BBS9: variants seen among roughly 807,000 people sequenced by gnomAD.
The protein encoded by BBS9 is Bardet-Biedl syndrome 9, also known as protein PTHB1.
BBS9 carries 89 observed loss-of-function variants against 117.7 expected under a neutral mutation model. The observed-to-expected ratio is 0.76, with a 90% CI of 0.64 to 0.90. BBS9 has a LOEUF of 0.90. BBS9 is among the 40% of genes least tolerant of loss of function. The pLI is 0.00. For synonymous variants in BBS9, 379 were observed against 370.9 expected (o/e 1.02, Z -0.25); for missense variants, 982 against 1,042.2 (o/e 0.94, Z 0.80).
chr7:33,208,951 C>T (rs184235638), intron 5 of BBS9, among the ~76,000 whole-genome samples: 5 of 152,138 alleles, frequency 3.3e-5, no homozygotes, highest in East Asian at 1.9e-4. Flanking sequence ...GTATTACAAA[C>T]GATCCAATTA....
At chr7:33,390,460 A>G in intron 19 of BBS9, 1 of 980,600 alleles carries the variant, frequency 1.0e-6, no homozygotes, top group Non-Finnish European at 1.2e-6. Flanking sequence ...GTTAAGTCCC[A>G]TTCCTTTTAG....
At chr7:33,530,895 C>A (rs1051437530) in intron 20 of BBS9, among the ~76,000 whole-genome samples, 1 of 152,104 alleles carries the variant, frequency 6.6e-6, no homozygotes, top group Non-Finnish European at 1.5e-5. Context: ...CCCATTATGG[C>A]AATCAGTGGG....
chr7:33,266,275 G>A (rs1798805852), intron 7 of BBS9, among the ~76,000 whole-genome samples: 1 of 152,194 alleles, frequency 6.6e-6, no homozygotes, highest in Admixed American at 6.5e-5. Flanking sequence ...TTGCAGGAAT[G>A]TGATACCATG....
At chr7:33,341,455 C>T (rs1045567725) in intron 11 of BBS9, among the ~76,000 whole-genome samples, 2 of 151,742 alleles carry the variant, frequency 1.3e-5, no homozygotes, top group Admixed American at 6.6e-5. Flanking sequence ...ATAGTTGGTC[C>T]AATACTTAAT....
intron 21 of BBS9, among the ~76,000 whole-genome samples, chr7:33,621,899 C>T (rs1865422120): frequency 6.6e-6 from 1 of 152,088 alleles, no homozygotes; most frequent in African/African-American, 2.4e-5. Flanking sequence ...GTGAACTTAG[C>T]CAGGCATGGA....
At chr7:33,362,863 A>G (rs1221256657) in intron 16 of BBS9, among the ~76,000 whole-genome samples, 1 of 152,156 alleles carries the variant, frequency 6.6e-6, no homozygotes, top group Admixed American at 6.5e-5. Context: ...GAGAACCAAT[A>G]TCTTAACAAT....
At chr7:33,464,953 G>A (rs1374794764) in intron 19 of BBS9, among the ~76,000 whole-genome samples, 1 of 152,030 alleles carries the variant, frequency 6.6e-6, no homozygotes, top group Non-Finnish European at 1.5e-5. Flanking sequence ...AGCTTCCCGA[G>A]TAGCTGGGAC....
At chr7:33,539,480 ATTT>A (rs1179349736) in intron 21 of BBS9, among the ~76,000 whole-genome samples, 1 of 152,218 alleles carries the variant, frequency 6.6e-6, no homozygotes, top group Admixed American at 6.5e-5. Flanking sequence ...ATAACAGGAA[ATTT>A]TTAAAAAGAA....
In BBS9 at chr7:33,629,398, A is replaced by C. The variant is rs560803108; in HGVS notation, c.2522-5779A>C. On this transcript the variant is annotated intron_variant, in intron 21 of 21. Transcript: ENST00000671952. ...TTGTTTTTTGTTTGTTTGTTTTTTT[A>C]ATTCTAAGTGACAGTGGAAAGGGCA... Among the ~76,000 whole-genome samples, 222 of 152,146 alleles carry C rather than the reference A, an allele frequency of 1.5e-3. 1 individual carries two copies. Among genetic ancestry groups the C allele is most frequent in the Middle Eastern group, 3.4e-3 (1 of 294 alleles).
At chr7:33,304,924 G>A (rs927705461) in intron 9 of BBS9, among the ~76,000 whole-genome samples, 1 of 152,050 alleles carries the variant, frequency 6.6e-6, no homozygotes, top group African/African-American at 2.4e-5. Context: ...TTAAACAGAT[G>A]CTTGAAGGCA....
chr7:33,212,756 G>C (rs144382409), intron 5 of BBS9, among the ~76,000 whole-genome samples: 125 of 152,278 alleles, frequency 8.2e-4, no homozygotes, highest in African/African-American at 2.9e-3. Flanking sequence ...GTTTCTGCAG[G>C]CTGGTAGAGG....
intron 21 of BBS9, among the ~76,000 whole-genome samples, chr7:33,542,959 T>A (rs1852639552): frequency 6.6e-6 from 1 of 152,126 alleles, no homozygotes; most frequent in Non-Finnish European, 1.5e-5. Context: ...TGACTTCTTT[T>A]CCTCTGGGTA....
intron 12 of BBS9, 77 bp downstream of exon 12, chr7:33,344,711 G>T: frequency 7.1e-7 from 1 of 1,410,168 alleles, no homozygotes; most frequent in Non-Finnish European, 1.0e-6. Flanking sequence ...TTGAGAACTT[G>T]TAAGTAGCTT....
At chr7:33,355,018 G>C (rs1198401292) in intron 15 of BBS9, among the ~76,000 whole-genome samples, 1 of 152,036 alleles carries the variant, frequency 6.6e-6, no homozygotes, top group Non-Finnish European at 1.5e-5. Context: ...GTAACACTTA[G>C]AGAATTCAGT....
intron 11 of BBS9, among the ~76,000 whole-genome samples, chr7:33,343,268 C>A (rs1028408850): frequency 1.3e-5 from 2 of 152,046 alleles, no homozygotes; most frequent in African/African-American, 4.8e-5. Context: ...AAATATGTCA[C>A]CCCTTAGTCT....
intron 19 of BBS9, among the ~76,000 whole-genome samples, chr7:33,405,847 A>G (rs1329951100): frequency 6.6e-6 from 1 of 151,464 alleles, no homozygotes; most frequent in Non-Finnish European, 1.5e-5. Context: ...TATTTCCTTC[A>G]GTTCTGCTCT....
At chr7:33,529,325 C>T (rs1270110207) in intron 20 of BBS9, among the ~76,000 whole-genome samples, 2 of 152,108 alleles carry the variant, frequency 1.3e-5, no homozygotes, top group African/African-American at 2.4e-5. Context: ...CCCCTGAGTC[C>T]GGTTCCTTGG....
chr7:33,396,298 C>T (rs1395400508), intron 19 of BBS9, among the ~76,000 whole-genome samples: 1 of 151,884 alleles, frequency 6.6e-6, no homozygotes, highest in East Asian at 1.9e-4. Flanking sequence ...CATAGTACTA[C>T]TATTTGAAGT....
At chr7:33,140,451 C>T (rs1791271119) in intron 1 of BBS9, among the ~76,000 whole-genome samples, 1 of 152,112 alleles carries the variant, frequency 6.6e-6, no homozygotes, top group African/African-American at 2.4e-5. Flanking sequence ...TTATCGTAGC[C>T]ATCCTTCATA....
Sources: gnomAD v4.1 joint callset for allele counts (sites outside exome capture counted in the v4.1 genomes callset) on GRCh38, gnomAD v4.1.1 for gene constraint, MANE v1.5 for transcripts, NCBI Gene and HGNC (gene_info 2026-07-23, HGNC 2026-07-21) for gene names.